The following TRIM69 variants were observed in gnomAD, a reference collection of about 807,000 sequenced individuals.
TRIM69 encodes the protein tripartite motif containing 69.
Under a neutral mutation model 37.7 loss-of-function variants are expected in TRIM69, and 29 were observed. The observed-to-expected ratio is 0.77, with a 90% CI of 0.57 to 1.05. The LOEUF (loss-of-function observed/expected upper bound fraction) is 1.05, where lower values mean the gene tolerates loss of function less well. TRIM69 is among the 50% of genes least tolerant of loss of function. The probability of loss-of-function intolerance (pLI) is 0.00; values close to 1 mark genes in which losing one functional copy is unlikely to be tolerated. For missense variants in TRIM69, 596 were observed against 579.9 expected (o/e 1.03, Z -0.28); for synonymous variants, 209 against 212.4 (o/e 0.98, Z 0.14).
chr15:44,766,951 T>TG (rs1465883107), intron 6 of TRIM69, among the ~76,000 whole-genome samples: 3 of 143,556 alleles, frequency 2.1e-5, no homozygotes, highest in Non-Finnish European at 3.0e-5. Flanking sequence ...CCCAGCTATT[T>TG]GGGGGGCTGA....
intron 1 of TRIM69, among the ~76,000 whole-genome samples, chr15:44,748,499 T>G (rs1296592058): frequency 6.6e-6 from 1 of 152,136 alleles, no homozygotes; most frequent in Admixed American, 6.5e-5. Flanking sequence ...TTATATAGCA[T>G]TCTGCAAAGC....
At chr15:44,758,295 A>G (rs1346176244) in intron 3 of TRIM69, 10 of 351,056 alleles carry the variant, frequency 2.8e-5, no homozygotes, top group African/African-American at 1.0e-4. Context: ...TGGATTACCA[A>G]TCTAGGAGGG....
At chr15:44,745,718 A>G (rs960133898) in intron 1 of TRIM69, among the ~76,000 whole-genome samples, 1 of 152,206 alleles carries the variant, frequency 6.6e-6, no homozygotes, top group Admixed American at 6.5e-5. Context: ...TATAAAAAGG[A>G]ACCAAAGAGA....
intron 6 of TRIM69, among the ~76,000 whole-genome samples, chr15:44,761,919 G>A (rs533426968): frequency 2.0e-5 from 3 of 152,170 alleles, no homozygotes; most frequent in Non-Finnish European, 4.4e-5. Context: ...TCAGATATAT[G>A]TTTCTTAAAT....
intron 6 of TRIM69, among the ~76,000 whole-genome samples, chr15:44,761,885 G>C (rs1347180902): frequency 2.0e-5 from 3 of 152,126 alleles, no homozygotes; most frequent in Non-Finnish European, 4.4e-5. Context: ...GTATTATTAA[G>C]TTGTAAAGGA....
chr15:44,745,491 A>C (rs943776405), intron 1 of TRIM69, among the ~76,000 whole-genome samples: 1 of 152,212 alleles, frequency 6.6e-6, no homozygotes, highest in African/African-American at 2.4e-5. Flanking sequence ...GATATTCAAC[A>C]AGTATAAATA....
At chr15:44,756,141 C>T (rs992560052) in intron 2 of TRIM69, among the ~76,000 whole-genome samples, 1 of 152,182 alleles carries the variant, frequency 6.6e-6, no homozygotes, top group African/African-American at 2.4e-5. Context: ...ATCCTCCCAT[C>T]TCAGTCTCCC....
chr15:44,767,638 T>C lies in TRIM69; in HGVS notation c.1369T>C (p.Tyr457His). Residue 457 changes from tyrosine (Y) to histidine (H), a missense_variant, in exon 7 of 7, where the codon TAC becomes CAC. Transcript: ENST00000329464. The part of the protein sequence containing the change: ...LDYEGGQLSF[Y>H]NAKTMTHIYT... ...TTATGAAGGAGGACAGTTGTCCTTC[T>C]ACAATGCTAAAACCATGACTCACAT... 6.2e-7 allele frequency: 1 copy of C among 1,614,206 alleles called. No homozygotes were observed. Among genetic ancestry groups the C allele is most frequent in the South Asian group, 1.1e-5 (1 of 91,090 alleles).
At position 44,759,887 on chromosome 15, in the gene TRIM69, T is replaced by C. The variant is rs2087739323; in HGVS notation, c.961+15T>C. The C allele has an allele frequency of 1.2e-6, 2 of 1,605,090 alleles. No individual in the cohort carries two copies. Among genetic ancestry groups the C allele is most frequent in the Admixed American group, 3.4e-5 (2 of 59,542 alleles). Reference sequence around the variant, plus strand: ...TCTCTGCCCAGGTATCAGTGGGTAGTAACTATTGGTTCTTGAGGCTCCTAA... The same window carrying C: ...TCTCTGCCCAGGTATCAGTGGGTAGCAACTATTGGTTCTTGAGGCTCCTAA... On this transcript the variant is annotated intron_variant, in intron 6 of 6. Coordinates refer to ENST00000329464, the MANE Select transcript of TRIM69 (RefSeq NM_182985.5).
At chr15:44,758,492 T>A in intron 3 of TRIM69, 129 bp from the exon 4 acceptor site, 1 of 1,318,960 alleles carries the variant, frequency 7.6e-7, no homozygotes, top group Non-Finnish European at 1.0e-6. Context: ...GAATTTGATA[T>A]TCAGTAGCCA....
chr15:44,738,159 A>G (rs574910758), intron 1 of TRIM69, among the ~76,000 whole-genome samples: 3 of 150,800 alleles, frequency 2.0e-5, no homozygotes, highest in African/African-American at 7.3e-5. Flanking sequence ...CCAGGGTTCA[A>G]GTGATTCTCA....
At chr15:44,762,386 C>G (rs73421603) in intron 6 of TRIM69, among the ~76,000 whole-genome samples, 5,291 of 152,146 alleles carry the variant, frequency 0.035, 282 homozygotes, top group African/African-American at 0.12. Context: ...CTGCTTGGAT[C>G]TAAGGGTTTA....
At chr15:44,741,997 G>A (rs142568137) in intron 1 of TRIM69, among the ~76,000 whole-genome samples, 2,351 of 152,126 alleles carry the variant, frequency 0.015, 56 homozygotes, top group African/African-American at 0.052. Flanking sequence ...TACCAAAGCC[G>A]GGCAGAGACA....
At chr15:44,744,123 G>A (rs1213072853) in intron 1 of TRIM69, among the ~76,000 whole-genome samples, 1 of 151,570 alleles carries the variant, frequency 6.6e-6, no homozygotes, top group Admixed American at 6.6e-5. Flanking sequence ...ATACTATGCA[G>A]CCATAAAAAA....
intron 1 of TRIM69, among the ~76,000 whole-genome samples, chr15:44,740,230 T>G (rs925809426): frequency 1.3e-5 from 2 of 152,176 alleles, no homozygotes; most frequent in Non-Finnish European, 2.9e-5. Context: ...AACCCATCTG[T>G]ACATCACCAT....
chr15:44,743,816 C>G (rs1017939015), intron 1 of TRIM69, among the ~76,000 whole-genome samples: 3 of 152,222 alleles, frequency 2.0e-5, no homozygotes, highest in African/African-American at 4.8e-5. Context: ...ACAGGTGCTA[C>G]AGAGGATGTG....
At chr15:44,745,991 T>C (rs2087398628) in intron 1 of TRIM69, among the ~76,000 whole-genome samples, 1 of 151,962 alleles carries the variant, frequency 6.6e-6, no homozygotes, top group African/African-American at 2.4e-5. Flanking sequence ...TTTAAAACTT[T>C]TGAAATTTGA....
chr15:44,751,851 T>A (rs746649638), intron 1 of TRIM69, among the ~76,000 whole-genome samples: 10 of 152,148 alleles, frequency 6.6e-5, no homozygotes, highest in African/African-American at 9.7e-5. Flanking sequence ...GTTCAGGTGA[T>A]CCACCTACTT....
chr15:44,756,818 C>G (rs2123149), intron 3 of TRIM69: 132,714 of 173,070 alleles, frequency 0.77, 52,248 homozygotes, highest in Middle Eastern at 0.85. Context: ...TTGCTATGTC[C>G]AAAGAAATAC....
Sources: allele counts gnomAD v4.1 joint callset (sites outside exome capture counted in the v4.1 genomes callset), GRCh38; gene constraint gnomAD v4.1.1; transcripts MANE v1.5; gene names NCBI Gene and HGNC (gene_info 2026-07-23, HGNC 2026-07-21).